The following LDLRAD3 variants were observed in gnomAD, a reference collection of about 807,000 sequenced individuals.
LDLRAD3 encodes low density lipoprotein receptor class A domain containing 3.
Under a neutral mutation model 29.4 loss-of-function variants are expected in LDLRAD3, and 20 were observed. That is an observed-to-expected ratio of 0.68 (90% CI 0.48 to 0.99). The LOEUF (loss-of-function observed/expected upper bound fraction) is 0.99, where lower values mean the gene tolerates loss of function less well. Ranked by LOEUF, LDLRAD3 falls within the 50% of genes least tolerant of loss-of-function variation. The pLI, the probability that LDLRAD3 is intolerant of heterozygous loss-of-function variation, is 0.00. For synonymous variants in LDLRAD3, 157 were observed against 192.7 expected, an observed-to-expected ratio of 0.81 and a Z score of 1.53; for missense variants, 420 against 454.3, an observed-to-expected ratio of 0.92 and a Z score of 0.69.
chr11:36,104,019 G>A (rs992035864), intron 4 of LDLRAD3, among the ~76,000 whole-genome samples: 3 of 152,154 alleles, frequency 2.0e-5, no homozygotes, highest in African/African-American at 4.8e-5. Context: ...ATTGTGACTC[G>A]CTTTTAACAA....
intron 1 of LDLRAD3, among the ~76,000 whole-genome samples, chr11:35,987,600 T>TA (rs773354226): frequency 1.2e-4 from 19 of 152,366 alleles, no homozygotes; most frequent in Non-Finnish European, 2.5e-4. Context: ...TTGTTATTTT[T>TA]ATGGCTGTGT....
At chr11:36,183,024 G>A (rs1854787151) in intron 4 of LDLRAD3, among the ~76,000 whole-genome samples, 1 of 152,222 alleles carries the variant, frequency 6.6e-6, no homozygotes, top group African/African-American at 2.4e-5. Flanking sequence ...GGCCTATCCA[G>A]TTGGGACCAC....
intron 4 of LDLRAD3, among the ~76,000 whole-genome samples, chr11:36,201,357 A>G (rs1855124542): frequency 6.6e-6 from 1 of 152,236 alleles, no homozygotes; most frequent in African/African-American, 2.4e-5. Flanking sequence ...ACTGCACTCA[A>G]GTTAGAAGTA....
In LDLRAD3 at chr11:36,135,739, G is replaced by A. The variant is rs78277704; in HGVS notation, c.454+37278G>A. Among the ~76,000 whole-genome samples the A allele has an allele frequency of 3.2e-4, 49 of 152,242 alleles. 1 individual carries two copies. In the East Asian group the frequency reaches 8.5e-3, roughly 26 times the overall value. On this transcript the variant is annotated intron_variant, in intron 4 of 5. Coordinates refer to ENST00000315571, the MANE Select transcript of LDLRAD3 (RefSeq NM_174902.4). ...AGCCTGGCCAACATGGTGAAACACC[G>A]TCTCTACTAAAAATCCAAAAATTAG...
At chr11:36,093,350 C>T (rs1231892035) in intron 3 of LDLRAD3, among the ~76,000 whole-genome samples, 1 of 152,058 alleles carries the variant, frequency 6.6e-6, no homozygotes, top group African/African-American at 2.4e-5. Flanking sequence ...GAAATCTCAG[C>T]CATACGTCTT....
At chr11:36,029,295 G>A (rs1852205986) in intron 1 of LDLRAD3, among the ~76,000 whole-genome samples, 2 of 152,126 alleles carry the variant, frequency 1.3e-5, no homozygotes, top group Admixed American at 1.3e-4. Flanking sequence ...CTTCTGCCAT[G>A]TGTATGTGTT....
rs990552027 is a variant in LDLRAD3 at position 36,213,737 on chromosome 11, C to T, written c.455-13348C>T. ...CCAGGATCTGGGCTCTCCAAGTGGA[C>T]GAATGAATTGTGGACCCAGCCAGAC... On this transcript the variant is annotated intron_variant, in intron 4 of 5. Coordinates refer to ENST00000315571, the MANE Select transcript of LDLRAD3 (RefSeq NM_174902.4). The surrounding 1 kb of genome is among the most constrained non-coding windows in gnomAD (Gnocchi z 4.1). Among the ~76,000 whole-genome samples the T allele has an allele frequency of 6.6e-6, 1 of 152,192 alleles. No homozygotes were observed. The highest frequency in any genetic ancestry group is 1.5e-5 in the Non-Finnish European group (1 of 68,040).
chr11:36,142,965 T>G (rs1221510574), intron 4 of LDLRAD3, among the ~76,000 whole-genome samples: 3 of 152,214 alleles, frequency 2.0e-5, no homozygotes, highest in Non-Finnish European at 4.4e-5. Context: ...TTTAGGTACA[T>G]TTGAAAAAGG....
intron 4 of LDLRAD3, among the ~76,000 whole-genome samples, chr11:36,103,970 G>A (rs1853488687): frequency 6.6e-6 from 1 of 152,176 alleles, no homozygotes. Context: ...TCCACCTTTT[G>A]ACTATTGTGA....
intron 1 of LDLRAD3, chr11:35,967,058 C>A: frequency 4.9e-6 from 1 of 205,784 alleles, no homozygotes; most frequent in Non-Finnish European, 1.1e-5. Context: ...ACCTTGCACT[C>A]TTTCCTCCTA....
intron 3 of LDLRAD3, among the ~76,000 whole-genome samples, chr11:36,085,115 A>G (rs913421320): frequency 2.6e-5 from 4 of 152,202 alleles, no homozygotes; most frequent in African/African-American, 9.6e-5. Flanking sequence ...AATTCTTCTG[A>G]AGTTGGCAAC....
In LDLRAD3 at chr11:35,944,525, C is replaced by T. The variant is rs575844474; in HGVS notation, c.46+381C>T. On this transcript the variant is annotated intron_variant, in intron 1 of 5. Transcript: ENST00000315571. The surrounding 1 kb of genome is among the most constrained non-coding windows in gnomAD (Gnocchi z 4.9). ...AGGAGAGGAGAGGAGAGAACTCTTC[C>T]CTGGTCTCATCTTCCCAGACGCCTG... Among the ~76,000 whole-genome samples the T allele has an allele frequency of 3.3e-5, 5 of 152,130 alleles. No homozygotes were observed. In the East Asian group the frequency reaches 9.8e-4, roughly 30 times the overall value.
chr11:36,042,738 G>A (rs1366482311), intron 2 of LDLRAD3, among the ~76,000 whole-genome samples: 3 of 152,166 alleles, frequency 2.0e-5, no homozygotes, highest in Non-Finnish European at 4.4e-5. Flanking sequence ...TATGAAAAGG[G>A]GAAATTTGGA....
At chr11:36,081,548 A>G (rs1853113880) in intron 2 of LDLRAD3, 105 bp from the exon 3 acceptor site, 1 of 1,457,964 alleles carries the variant, frequency 6.9e-7, no homozygotes, top group East Asian at 2.3e-5. Flanking sequence ...GGACTTTAAG[A>G]TGAATCTTAA....
rs142330645 is a variant in LDLRAD3 at position 36,013,234 on chromosome 11, T to G, written c.47-22869T>G. ...TTGTGTGCTTATTAGCAGGGCTTCT[T>G]AGCCTCTCAGCAGTTTGCTGATGCA... On this transcript the variant is annotated intron_variant, in intron 1 of 5. Coordinates refer to ENST00000315571, the MANE Select transcript of LDLRAD3 (RefSeq NM_174902.4). Among the ~76,000 whole-genome samples, 1,183 of 152,356 alleles carry G rather than the reference T, an allele frequency of 7.8e-3. 7 individuals carry two copies. The highest frequency in any genetic ancestry group is 0.054 in the Middle Eastern group (16 of 294).
chr11:36,146,875 C>T (rs949232562), intron 4 of LDLRAD3, among the ~76,000 whole-genome samples: 9 of 151,230 alleles, frequency 6.0e-5, no homozygotes, highest in Non-Finnish European at 1.2e-4. Context: ...CTGCAACCTC[C>T]GCCTCCCAGC....
chr11:36,014,520 C>T (rs540808731), intron 1 of LDLRAD3, among the ~76,000 whole-genome samples: 1 of 152,296 alleles, frequency 6.6e-6, no homozygotes, highest in East Asian at 1.9e-4. Flanking sequence ...CACAACTCCC[C>T]TTGGCTGGGT....
intron 4 of LDLRAD3, among the ~76,000 whole-genome samples, chr11:36,146,269 G>C (rs1854192822): frequency 6.6e-6 from 1 of 152,216 alleles, no homozygotes; most frequent in Non-Finnish European, 1.5e-5. Flanking sequence ...TCCGATGAAA[G>C]TAAGAACTGC....
chr11:35,972,811 G>A (rs1851429662), intron 1 of LDLRAD3: 1 of 152,206 alleles, frequency 6.6e-6, no homozygotes, highest in South Asian at 2.1e-4. Context: ...ACCACTTTGG[G>A]AGACCCAGGT....
Sources: allele counts gnomAD v4.1 joint callset (sites outside exome capture counted in the v4.1 genomes callset), GRCh38; gene constraint gnomAD v4.1.1; non-coding constraint Gnocchi (gnomAD v3.1); transcripts MANE v1.5; gene names NCBI Gene and HGNC (gene_info 2026-07-23, HGNC 2026-07-21).